The following CDH23 variants were observed in gnomAD, a reference collection of about 807,000 sequenced individuals.
CDH23 encodes the protein cadherin-23.
Under a neutral mutation model 317.1 loss-of-function variants are expected in CDH23, and 189 were observed. That is an observed-to-expected ratio of 0.60 (90% CI 0.53 to 0.67). The LOEUF is 0.67. Ranked by LOEUF, CDH23 falls within the 30% of genes least tolerant of loss-of-function variation. The pLI is 0.00. For missense variants in CDH23, 4,401 were observed against 4,592.4 expected (o/e 0.96, Z 1.20); for synonymous variants, 1,839 against 1,876.8 (o/e 0.98, Z 0.52).
chr10:71,491,675 G>C (rs953032987), intron 3 of CDH23, among the ~76,000 whole-genome samples: 1 of 152,160 alleles, frequency 6.6e-6, no homozygotes, highest in Non-Finnish European at 1.5e-5. Flanking sequence ...AGAGGATGAG[G>C]GTTTCAGCAA....
At chr10:71,490,454 A>C (rs879427542) in intron 3 of CDH23, among the ~76,000 whole-genome samples, 2 of 152,210 alleles carry the variant, frequency 1.3e-5, no homozygotes, top group Non-Finnish European at 2.9e-5. Flanking sequence ...GTCCTCCGTA[A>C]ACGTTAATTG....
chr10:71,464,355 T>C (rs1216352685), intron 3 of CDH23, among the ~76,000 whole-genome samples: 1 of 152,180 alleles, frequency 6.6e-6, no homozygotes, highest in Non-Finnish European at 1.5e-5. Flanking sequence ...GAAAGAACAA[T>C]GAATTTGCCC....
intron 41 of CDH23, among the ~76,000 whole-genome samples, chr10:71,781,981 G>A (rs1051686635): frequency 6.6e-6 from 1 of 152,180 alleles, no homozygotes; most frequent in Admixed American, 6.5e-5. Context: ...AGCCAGCACC[G>A]CTGTCTGGAG....
chr10:71,767,814 G>T (rs945138574), intron 38 of CDH23, among the ~76,000 whole-genome samples: 4 of 152,230 alleles, frequency 2.6e-5, no homozygotes, highest in African/African-American at 9.6e-5. Context: ...GACCAAGGGG[G>T]CTGGGAAGGG....
At chr10:71,533,665 C>A (rs1208488725) in intron 6 of CDH23, among the ~76,000 whole-genome samples, 1 of 151,976 alleles carries the variant, frequency 6.6e-6, no homozygotes, top group African/African-American at 2.4e-5. Context: ...GCAGCACATC[C>A]CAGTCAGTGG....
intron 38 of CDH23, among the ~76,000 whole-genome samples, chr10:71,768,211 C>A (rs1840601631): frequency 6.6e-6 from 1 of 152,144 alleles, no homozygotes; most frequent in African/African-American, 2.4e-5. Flanking sequence ...CGCTCTGTTG[C>A]CCAGGCTGGA....
rs747673739 is a variant in CDH23 at position 71,738,574 on chromosome 10, C to A, written c.4286C>A (p.Pro1429His). The change falls in exon 35 of 70, where the codon CCC (proline) becomes CAC (histidine). Residue 1429 changes from proline to histidine, a missense_variant. Coordinates refer to ENST00000224721, the MANE Select transcript of CDH23 (RefSeq NM_022124.6). Reference sequence around the variant, plus strand: ...ACCTCCGACTCGGCGGTCAGCATACCCGAGGACTGCCCTGTGGGCCAGCGA... The same window carrying A: ...ACCTCCGACTCGGCGGTCAGCATACACGAGGACTGCCCTGTGGGCCAGCGA... ...DFTSDSAVSI[P>H]EDCPVGQRVA... 2 of 1,613,926 alleles carry A rather than the reference C, an allele frequency of 1.2e-6. No homozygotes were observed. The highest frequency in any genetic ancestry group is 1.7e-6 in the Non-Finnish European group (2 of 1,179,904).
rs147261831 is a variant in CDH23 at position 71,743,907 on chromosome 10, A to G, written c.4845+1986A>G. Among the ~76,000 whole-genome samples, 330 of 152,322 alleles carry G rather than the reference A, an allele frequency of 2.2e-3. 3 individuals are homozygous for G. Among genetic ancestry groups the G allele is most frequent in the African/African-American group, 7.6e-3 (316 of 41,574 alleles). ...TTGGCCTTTCCCTCATGGTGGCAAG[A>G]TAGCTACTATAACTCTAGGCATCAA... On this transcript the variant is annotated intron_variant, in intron 38 of 69. Coordinates refer to ENST00000224721, the MANE Select transcript of CDH23 (RefSeq NM_022124.6).
intron 1 of CDH23, among the ~76,000 whole-genome samples, chr10:71,434,427 G>A (rs1351607936): frequency 6.6e-6 from 1 of 152,234 alleles, no homozygotes. Flanking sequence ...CAGGGCAGAT[G>A]TGCGCAGTGT....
intron 6 of CDH23, among the ~76,000 whole-genome samples, chr10:71,562,370 A>T (rs1012828726): frequency 1.3e-5 from 2 of 152,212 alleles, no homozygotes; most frequent in Non-Finnish European, 2.9e-5. Flanking sequence ...GGAGACGGTT[A>T]AAAAGAAGAG....
intron 34 of CDH23, among the ~76,000 whole-genome samples, chr10:71,738,247 C>T (rs1157662717): frequency 6.6e-6 from 1 of 152,218 alleles, no homozygotes; most frequent in Non-Finnish European, 1.5e-5. Flanking sequence ...CCCCACCAGG[C>T]CTCTTCCCTT....
At chr10:71,554,289 C>G (rs537111981) in intron 6 of CDH23, among the ~76,000 whole-genome samples, 1 of 152,252 alleles carries the variant, frequency 6.6e-6, no homozygotes, top group East Asian at 1.9e-4. Context: ...CCTCAATGTC[C>G]TGGGCTCAAG....
Position 71,733,554 on chromosome 10 carries a change from G to A in CDH23, c.4105-686G>A, listed in dbSNP as rs528287944. ...ACTCCTATCACCTAGGAAATGCCAG[G>A]GGATTAAGAGCTTTGTGCCAGGAAC... On this transcript the variant is annotated intron_variant, in intron 32 of 69. Transcript: ENST00000224721. 3.3e-5 allele frequency among the ~76,000 whole-genome samples: 5 copies of A among 152,222 alleles called. No homozygotes were observed. The East Asian group carries it at 5.8e-4, about 18-fold the overall frequency.
chr10:71,809,755 G>A, intron 60 of CDH23, 65 bp from the exon 61 acceptor site: 1 of 1,574,034 alleles, frequency 6.4e-7, no homozygotes, highest in Non-Finnish European at 8.6e-7. Context: ...CAGGGCTCAT[G>A]CCCCTTCCTG....
chr10:71,465,361 A>C (rs966425573), intron 3 of CDH23, among the ~76,000 whole-genome samples: 28 of 152,392 alleles, frequency 1.8e-4, no homozygotes, highest in African/African-American at 6.5e-4. Context: ...GGTCTTGACC[A>C]GTGTTCTCAA....
At chr10:71,626,939 G>T (rs915983805) in intron 11 of CDH23, among the ~76,000 whole-genome samples, 2 of 152,316 alleles carry the variant, frequency 1.3e-5, no homozygotes. Context: ...TCAAGGCAAG[G>T]CATGCAGAGA....
chr10:71,704,854 G>A, intron 24 of CDH23, 57 bp from the exon 25 acceptor site: 1 of 1,348,914 alleles, frequency 7.4e-7, no homozygotes, highest in South Asian at 1.2e-5. Context: ...TCTTGGGGGA[G>A]AAGCATCCAT....
At chr10:71,719,985 A>G (rs753214679) in intron 28 of CDH23, among the ~76,000 whole-genome samples, 1 of 152,054 alleles carries the variant, frequency 6.6e-6, no homozygotes, top group Admixed American at 6.5e-5. Context: ...GGGGTGGAAG[A>G]CTCTGGGGAG....
intron 3 of CDH23, among the ~76,000 whole-genome samples, chr10:71,485,291 C>T (rs1279581378): frequency 6.6e-6 from 1 of 152,188 alleles, no homozygotes; most frequent in Non-Finnish European, 1.5e-5. Context: ...TCCCAAAGTG[C>T]TGGGATCACA....
Sources: gnomAD v4.1 joint callset for allele counts (sites outside exome capture counted in the v4.1 genomes callset) on GRCh38, gnomAD v4.1.1 for gene constraint, MANE v1.5 for transcripts, NCBI Gene and HGNC (gene_info 2026-07-23, HGNC 2026-07-21) for gene names.